The following TANK variants were observed in gnomAD, a reference collection of about 807,000 sequenced individuals.
TANK encodes TRAF family member-associated NF-kappa-B activator.
TANK carries 15 observed loss-of-function variants against 43.6 expected under a neutral mutation model. The observed-to-expected ratio is 0.34, with a 90% CI of 0.23 to 0.53. The LOEUF (loss-of-function observed/expected upper bound fraction) is 0.53. Ranked by LOEUF, TANK falls within the 20% of genes least tolerant of loss-of-function variation. The pLI is 0.94. For synonymous variants in TANK, 162 were observed against 178.2 expected, an observed-to-expected ratio of 0.91 and a Z score of 0.73; for missense variants, 417 against 498.6, an observed-to-expected ratio of 0.84 and a Z score of 1.56.
At chr2:161,212,521 T>TA (rs1686938353) in intron 4 of TANK, 1 of 985,282 alleles carries the variant, frequency 1.0e-6, no homozygotes, top group African/African-American at 1.7e-5. Flanking sequence ...TACATCATCT[T>TA]ACAGTTTTTG....
At chr2:161,157,275 A>T (rs527730011), upstream of TANK, among the ~76,000 whole-genome samples, 1 of 152,306 alleles carries the variant, frequency 6.6e-6, no homozygotes, top group South Asian at 2.1e-4. Flanking sequence ...GGTGCTTGTC[A>T]ACAGGGTTAT....
At chr2:161,215,474 C>T (rs1367389681) in intron 4 of TANK, among the ~76,000 whole-genome samples, 1 of 152,104 alleles carries the variant, frequency 6.6e-6, no homozygotes, top group East Asian at 1.9e-4. Flanking sequence ...TGAATTTTGA[C>T]TCTAATTTGT....
intron 1 of TANK, chr2:161,139,629 A>C (rs1683682911): frequency 1.1e-6 from 1 of 916,812 alleles, no homozygotes; most frequent in Admixed American, 6.2e-5. Context: ...TTGGTAGTTC[A>C]AAATAAACCA....
intron 2 of TANK, among the ~76,000 whole-genome samples, chr2:161,199,357 A>G (rs541881349): frequency 6.6e-6 from 1 of 152,218 alleles, no homozygotes; most frequent in Non-Finnish European, 1.5e-5. Flanking sequence ...ATGAGAAGAA[A>G]TGTTTGACTT....
At chr2:161,182,830 C>T (rs1685489960) in intron 2 of TANK, among the ~76,000 whole-genome samples, 1 of 152,164 alleles carries the variant, frequency 6.6e-6, no homozygotes, top group African/African-American at 2.4e-5. Context: ...AGCATTCCTT[C>T]CTCCAGAGTA....
At chr2:161,211,741 G>A in intron 4 of TANK, 1 of 984,904 alleles carries the variant, frequency 1.0e-6, no homozygotes, top group Non-Finnish European at 1.2e-6. Flanking sequence ...ATACAGAAAT[G>A]GTGATTATGC....
intron 1 of TANK, among the ~76,000 whole-genome samples, chr2:161,166,970 G>C (rs1684711110): frequency 6.6e-6 from 1 of 152,202 alleles, no homozygotes; most frequent in South Asian, 2.1e-4. Context: ...AGTGGAAGGA[G>C]TAGCAGTTAT....
At position 161,169,022 on chromosome 2, in the gene TANK, C is replaced by T. The variant is rs573835738; in HGVS notation, c.-50+8536C>T. On this transcript the variant is annotated intron_variant, in intron 1 of 7. Transcript: ENST00000392749. ...GCAAAGCCTCAAAAAATTTACTTCC[C>T]AAACACTTTCTTAGGAAGCTGCTAC... Among the ~76,000 whole-genome samples, 9 of 152,260 alleles carry T rather than the reference C, an allele frequency of 5.9e-5. No homozygotes were observed. The South Asian group carries it at 1.9e-3, about 32-fold the overall frequency.
chr2:161,197,155 G>C (rs368000544), intron 2 of TANK, among the ~76,000 whole-genome samples: 3 of 152,144 alleles, frequency 2.0e-5, no homozygotes, highest in Admixed American at 2.0e-4. Flanking sequence ...ATATCTGTAC[G>C]TACTTGTACA....
Position 161,202,182 on chromosome 2 carries a change from CTTT to C in TANK, c.100-1282_100-1280del, listed in dbSNP as rs35913723. ...AAAATGTAGTATTTAGCTCTAATTT[CTTT>C]TTTTTTTTTTTTTTTTTTTTTTGAG... is the stretch of plus-strand genomic sequence containing the variant. On this transcript the variant is annotated intron_variant, in intron 2 of 7. Transcript: ENST00000392749. Among the ~76,000 whole-genome samples the C allele has an allele frequency of 2.4e-3, 191 of 78,094 alleles. 1 individual carries two copies. The highest frequency in any genetic ancestry group is 8.9e-3 in the African/African-American group (175 of 19,742). The allele number at this position is 78,094 out of a possible 152,430, so 51.2% of individuals were successfully genotyped here.
At chr2:161,198,894 A>G (rs1337535799) in intron 2 of TANK, among the ~76,000 whole-genome samples, 1 of 152,182 alleles carries the variant, frequency 6.6e-6, no homozygotes, top group Non-Finnish European at 1.5e-5. Context: ...GAGGGTGGGA[A>G]CGTACAGGGC....
chr2:161,137,376 G>A (rs933922357), intron 1 of TANK: 1 of 295,144 alleles, frequency 3.4e-6, no homozygotes, highest in African/African-American at 2.3e-5. Flanking sequence ...AAATAAATAA[G>A]TAAATAATGG....
intron 3 of TANK, among the ~76,000 whole-genome samples, chr2:161,203,823 C>G (rs1433082051): frequency 6.6e-6 from 1 of 152,092 alleles, no homozygotes; most frequent in African/African-American, 2.4e-5. Context: ...ATAAAACTTC[C>G]TAAAAAGCAA....
intron 4 of TANK, among the ~76,000 whole-genome samples, chr2:161,206,563 C>G (rs1686662965): frequency 6.6e-6 from 1 of 152,070 alleles, no homozygotes; most frequent in Admixed American, 6.5e-5. Context: ...CTTGGTACCC[C>G]TTAGTACATA....
intron 2 of TANK, among the ~76,000 whole-genome samples, chr2:161,187,498 G>C (rs147014587): frequency 2.0e-4 from 31 of 152,144 alleles, no homozygotes; most frequent in African/African-American, 7.5e-4. Context: ...AATGATAATG[G>C]GTCAGTTTAT....
intron 6 of TANK, 23 bp downstream of exon 6, chr2:161,224,769 G>A (rs1415064841): frequency 8.1e-6 from 11 of 1,352,342 alleles, no homozygotes; most frequent in Non-Finnish European, 1.0e-5. Flanking sequence ...TTAATTTACA[G>A]TAATATTGAT....
At chr2:161,161,282 C>T in intron 1 of TANK, 2 of 1,550,430 alleles carry the variant, frequency 1.3e-6, no homozygotes, top group East Asian at 2.4e-5. Context: ...TCTCACCTCA[C>T]AGGAGATGCT....
rs115289629 is a variant in TANK at position 161,227,743 on chromosome 2, T to G, written c.520+2997T>G. Among the ~76,000 whole-genome samples, 787 of 152,356 alleles carry G rather than the reference T, an allele frequency of 5.2e-3. 4 individuals carry two copies. The highest frequency in any genetic ancestry group is 0.018 in the African/African-American group (751 of 41,582). On this transcript the variant is annotated intron_variant, in intron 6 of 7. Coordinates refer to ENST00000392749, the MANE Select transcript of TANK (RefSeq NM_001199135.3). Reference sequence around the variant, plus strand: ...TCTCCTCTTCGGGTGTTACAGAATCTGATTACCTCAACAGTTGGTTTTCCT... The same window carrying G: ...TCTCCTCTTCGGGTGTTACAGAATCGGATTACCTCAACAGTTGGTTTTCCT...
intron 2 of TANK, among the ~76,000 whole-genome samples, chr2:161,182,530 A>G (rs1235496233): frequency 6.6e-6 from 1 of 152,126 alleles, no homozygotes; most frequent in African/African-American, 2.4e-5. Flanking sequence ...ATGAAGAGAC[A>G]TATAAGGTGA....
Sources: allele counts gnomAD v4.1 joint callset (sites outside exome capture counted in the v4.1 genomes callset), GRCh38; gene constraint gnomAD v4.1.1; transcripts MANE v1.5; gene names NCBI Gene and HGNC (gene_info 2026-07-23, HGNC 2026-07-21).